CHML: variants seen among roughly 807,000 people sequenced by gnomAD.
CHML encodes the protein CHM like Rab escort protein, also known as rab proteins geranylgeranyltransferase component A 2.
CHML carries 20 observed loss-of-function variants against 30.4 expected under a neutral mutation model. The ratio of observed to expected loss-of-function variants is 0.66; its 90% CI spans 0.46 to 0.95. CHML has a LOEUF of 0.95. CHML is among the 40% of genes least tolerant of loss of function. The pLI is 0.00. For missense variants in CHML, 795 were observed against 768.5 expected (o/e 1.03, Z -0.41); for synonymous variants, 281 against 275.0 (o/e 1.02, Z -0.22).
At position 241,632,330 on chromosome 1, in the gene CHML, G is replaced by A. The variant is rs1361091297; in HGVS notation, c.*1466C>T. The A allele has an allele frequency of 1.3e-5, 2 of 152,190 alleles. No individual in the cohort carries two copies. Among genetic ancestry groups the A allele is most frequent in the Non-Finnish European group, 2.9e-5 (2 of 68,070 alleles). The allele number at this position is 152,190 out of a possible 1,614,324, so 9.4% of individuals were successfully genotyped here. A position where few individuals can be genotyped will look rare whatever the true frequency, so the allele number is the denominator to read the frequency against. On this transcript the variant is annotated 3_prime_UTR_variant, in exon 2 of 2. Transcript: ENST00000366553. The stretch of plus-strand genomic sequence containing the variant: ...CTTTACAAATTACCATCTCAGGTGT[G>A]TCTTTATCAACAGCATGAGAACACA...
chr1:241,637,022 G>A (rs3819981), intron 1 of CHML, among the ~76,000 whole-genome samples: 34,620 of 152,004 alleles, frequency 0.23, 4,453 homozygotes, highest in Non-Finnish European at 0.28. Flanking sequence ...TTCCATGTGC[G>A]GAAGACATCT....
At chr1:241,639,631 G>C (rs980488568) in intron 1 of CHML, among the ~76,000 whole-genome samples, 2 of 151,684 alleles carry the variant, frequency 1.3e-5, no homozygotes, top group Non-Finnish European at 2.9e-5. Context: ...GGGCAGATGA[G>C]AGACCACAGG....
rs149140479 is a variant in CHML at position 241,635,214 on chromosome 1, T to C, written c.553A>G (p.Lys185Glu). 95 of 1,613,512 alleles carry C rather than the reference T, an allele frequency of 5.9e-5. No homozygotes were observed. In the African/African-American group the frequency reaches 1.0e-3, roughly 17 times the overall value. Residue 185 changes from lysine (K) to glutamate (E), a missense_variant, in exon 2 of 2, where the codon AAA becomes GAA. Transcript: ENST00000366553. ...SVEKEKYCGD[K>E]TCMHTVSDKD... ...TCTGAAACTGTGTGCATACAAGTTTTATCTCCACAATACTTTTCCTTCTCC... is the reference window on the plus strand; with the variant it reads ...TCTGAAACTGTGTGCATACAAGTTTCATCTCCACAATACTTTTCCTTCTCC...
Position 241,635,917 on chromosome 1 carries a change from A to T in CHML, c.-151T>A. On this transcript the variant is annotated 5_prime_UTR_variant, in exon 2 of 2. Coordinates refer to ENST00000366553, the MANE Select transcript of CHML (RefSeq NM_001381853.1). The stretch of plus-strand genomic sequence containing the variant: ...TGTTTAACGGTTACCCTTTTAAAAT[A>T]TTTTTTTTCTTATAAGTCAGTAGCA... 4.2e-6 allele frequency: 3 copies of T among 707,952 alleles called. No homozygotes were observed. The highest frequency in any genetic ancestry group is 6.9e-6 in the Non-Finnish European group (3 of 433,692). 43.9% of individuals were successfully genotyped at this position (707,952 alleles called of 1,614,324 possible).
Position 241,634,898 on chromosome 1 carries a change from G to A in CHML, c.869C>T (p.Thr290Ile), listed in dbSNP as rs768570505. The A allele has an allele frequency of 6.2e-7, 1 of 1,611,034 alleles. No individual in the cohort carries two copies. The highest frequency in any genetic ancestry group is 8.5e-7 in the Non-Finnish European group (1 of 1,179,014). Residue 290 changes from threonine (T) to isoleucine (I), a missense_variant, in exon 2 of 2, where the codon ACC becomes ATC. Coordinates refer to ENST00000366553, the MANE Select transcript of CHML (RefSeq NM_001381853.1). ...CATTAGCATCCTCTTTTCAACCATG[G>A]TGAGTTCCTTGCTATTAAAGACATC... Reference protein sequence around the residue: ...RADVFNSKELTMVEKRMLMKF... With the variant: ...RADVFNSKELIMVEKRMLMKF...
chr1:241,634,432 T>C lies in CHML; in HGVS notation c.1335A>G (p.Thr445=), dbSNP rs773243934. 9 of 1,613,682 alleles carry C rather than the reference T, an allele frequency of 5.6e-6. No homozygotes were observed. Among genetic ancestry groups the C allele is most frequent in the Middle Eastern group, 1.6e-4 (1 of 6,084 alleles). ...TCTGCTTATACTGCACATTTGAGCA[T>C]GTTTCCTCAGAAAGGTAACTGTCTT... ...IVEDSYLSEE[T]CSNVQYKQIS... The change falls in exon 2 of 2, where the codon ACA becomes ACG. Residue 445 remains threonine, a synonymous_variant. Coordinates refer to ENST00000366553, the MANE Select transcript of CHML (RefSeq NM_001381853.1).
In CHML at chr1:241,634,232, C is replaced by T; in HGVS notation, c.1535G>A (p.Cys512Tyr). ...MKDTYLVHLT[C>Y]SSSKTAREDL... ...TTCTCTTGCTGTTTTAGAAGATGAA[C>T]ATGTCAAATGTACCAGATAGGTGTC... Residue 512 changes from cysteine (C) to tyrosine (Y), a missense_variant, in exon 2 of 2, where the codon TGT becomes TAT. By Grantham distance (194) the Cys-to-Tyr change is radical (BLOSUM62 -2). Transcript: ENST00000366553. 1 of 1,613,896 alleles carries T rather than the reference C, an allele frequency of 6.2e-7. No individual in the cohort carries two copies.
In CHML at chr1:241,633,797, T is replaced by C; in HGVS notation, c.1970A>G (p.Ter657TrpextTer21). Reference protein sequence around the residue: ...LESPEKHLQN* With the variant: ...LESPEKHLQNW ...ACAGCATTTCGAGATTGCTCTTTTC[T>C]AATTTTGAAGGTGCTTCTCTGGGCT... Residue 657 changes from the stop codon to tryptophan (W), a stop_lost, in exon 2 of 2, where the codon TAG becomes TGG. Transcript: ENST00000366553. The C allele has an allele frequency of 6.2e-7, 1 of 1,613,248 alleles. No homozygotes were observed. The highest frequency in any genetic ancestry group is 1.3e-5 in the African/African-American group (1 of 74,950).
At chr1:241,638,693 G>A (rs1664996864) in intron 1 of CHML, among the ~76,000 whole-genome samples, 1 of 152,280 alleles carries the variant, frequency 6.6e-6, no homozygotes. Flanking sequence ...AAGCTTATGA[G>A]GGGCGGGGAG....
chr1:241,635,552 C>A lies in CHML; in HGVS notation c.215G>T (p.Ser72Ile), dbSNP rs1253592275. 9 of 1,614,060 alleles carry A rather than the reference C, an allele frequency of 5.6e-6. No individual in the cohort carries two copies. The highest frequency in any genetic ancestry group is 7.6e-6 in the Non-Finnish European group (9 of 1,179,936). The change falls in exon 2 of 2, where the codon AGT (serine) becomes ATT (isoleucine). Residue 72 changes from serine (S) to isoleucine (I), a missense_variant. Coordinates refer to ENST00000366553, the MANE Select transcript of CHML (RefSeq NM_001381853.1). ...YQQNNDIGEE[S>I]TVVWQDLIHE... is the part of the protein sequence containing the mutation. ...GATCAGGTCCTGCCATACAACAGTA[C>A]TTTCTTCCCCAATGTCATTGTTTTG...
chr1:241,639,828 G>A (rs1665046633), intron 1 of CHML, 54 bp downstream of exon 1: 1 of 1,412,696 alleles, frequency 7.1e-7, no homozygotes, highest in Non-Finnish European at 9.3e-7. Flanking sequence ...CGGGCAGCGG[G>A]GTGGGGAGTG....
Position 241,633,395 on chromosome 1 carries a change from G to C in CHML, c.*401C>G, listed in dbSNP as rs878962109. On this transcript the variant is annotated 3_prime_UTR_variant, in exon 2 of 2. Transcript: ENST00000366553. ...ACTATTCGAACAGGCCGCAGCAACT[G>C]TAACAGCTGCAAAAGTAATTAAAAT... is the stretch of plus-strand genomic sequence containing the variant. 2.3e-5 allele frequency: 4 copies of C among 175,084 alleles called. No homozygotes were observed. Among genetic ancestry groups the C allele is most frequent in the Admixed American group, 2.2e-4 (4 of 18,234 alleles). 10.8% of individuals were successfully genotyped at this position (175,084 alleles called of 1,614,324 possible). A position where few individuals can be genotyped will look rare whatever the true frequency, so the allele number is the denominator to read the frequency against.
At position 241,632,319 on chromosome 1, in the gene CHML, A is replaced by G. The variant is rs139825350; in HGVS notation, c.*1477T>C. 3,394 of 152,316 alleles carry G rather than the reference A, an allele frequency of 0.022. 53 individuals are homozygous for G. Among genetic ancestry groups the G allele is most frequent in the South Asian group, 0.037 (178 of 4,822 alleles). 9.4% of individuals were successfully genotyped at this position (152,316 alleles called of 1,614,324 possible). On this transcript the variant is annotated 3_prime_UTR_variant, in exon 2 of 2. Coordinates refer to ENST00000366553, the MANE Select transcript of CHML (RefSeq NM_001381853.1). ...TAAACCTTTTTCTTTACAAATTACC[A>G]TCTCAGGTGTGTCTTTATCAACAGC...
In CHML at chr1:241,634,032, C is replaced by T. The variant is rs751828104; in HGVS notation, c.1735G>A (p.Gly579Arg). Reference sequence around the variant, plus strand: ...TCATTTCCCAGGCCACAGTCAGGCCCAGAGCAGACATAAACATTGGAAGGC... The same window carrying T: ...TCATTTCCCAGGCCACAGTCAGGCCTAGAGCAGACATAAACATTGGAAGGC... ...GLPSNVYVCS[G>R]PDCGLGNEHA... The change falls in exon 2 of 2, where the codon GGG becomes AGG. Residue 579 changes from glycine to arginine, a missense_variant. Transcript: ENST00000366553. 4 of 1,613,550 alleles carry T rather than the reference C, an allele frequency of 2.5e-6. No individual in the cohort carries two copies. The highest frequency in any genetic ancestry group is 1.7e-5 in the Admixed American group (1 of 59,882).
Position 241,635,601 on chromosome 1 carries a change from G to C in CHML, c.166C>G (p.Leu56Val), listed in dbSNP as rs761521650. 7 of 1,613,968 alleles carry C rather than the reference G, an allele frequency of 4.3e-6. No individual in the cohort carries two copies. Among genetic ancestry groups the C allele is most frequent in the Non-Finnish European group, 5.9e-6 (7 of 1,179,944 alleles). The change falls in exon 2 of 2, where the codon CTA becomes GTA. Residue 56 changes from leucine (L) to valine (V), a missense_variant. Leu to Val is a conservative substitution (Grantham distance 32). Coordinates refer to ENST00000366553, the MANE Select transcript of CHML (RefSeq NM_001381853.1). The stretch of plus-strand genomic sequence containing the variant: ...TGCTGATACTCCTTCAACCAGGATA[G>C]CAATCCTGAAAAGCTGAAACTAGCC... Reference protein sequence around the residue: ...NWASFSFSGLLSWLKEYQQNN... With the variant: ...NWASFSFSGLVSWLKEYQQNN...
Position 241,634,339 on chromosome 1 carries a change from A to T in CHML, c.1428T>A (p.Ile476=). Residue 476 remains isoleucine (I), a synonymous_variant, in exon 2 of 2, where the codon ATT becomes ATA. Coordinates refer to ENST00000366553, the MANE Select transcript of CHML (RefSeq NM_001381853.1). ...CTGGCTCTGCTGGAGGAACTATCAG[A>T]ATGGAAGTCTGCTGATCTAAATCTG... The part of the protein sequence containing the change: ...LKTDLDQQTS[I]LIVPPAEPGA... The T allele has an allele frequency of 6.2e-7, 1 of 1,614,010 alleles. No individual in the cohort carries two copies.
chr1:241,634,018 G>C lies in CHML; in HGVS notation c.1749C>G (p.Gly583=). The C allele has an allele frequency of 6.2e-7, 1 of 1,613,780 alleles. No individual in the cohort carries two copies. The highest frequency in any genetic ancestry group is 8.5e-7 in the Non-Finnish European group (1 of 1,179,866). ...NVYVCSGPDC[G]LGNEHAVKQA... is the part of the protein sequence containing the mutation. ...GCTTGACAGCATGCTCATTTCCCAGGCCACAGTCAGGCCCAGAGCAGACAT... is the reference window on the plus strand; with the variant it reads ...GCTTGACAGCATGCTCATTTCCCAGCCCACAGTCAGGCCCAGAGCAGACAT... The change falls in exon 2 of 2, where the codon GGC becomes GGG. Residue 583 remains glycine (G), a synonymous_variant. Coordinates refer to ENST00000366553, the MANE Select transcript of CHML (RefSeq NM_001381853.1).
At position 241,631,156 on chromosome 1, in the gene CHML, T is replaced by C. The variant is rs1414496; in HGVS notation, c.*2640A>G. On this transcript the variant is annotated 3_prime_UTR_variant, in exon 2 of 2. Coordinates refer to ENST00000366553, the MANE Select transcript of CHML (RefSeq NM_001381853.1). ...CTGGGTTACAATATCCCCTAAATTT[T>C]TAAATGCTTTTTATTGGTATAACTT... The C allele has an allele frequency of 2.0e-5, 3 of 152,092 alleles. No individual in the cohort carries two copies. Among genetic ancestry groups the C allele is most frequent in the Non-Finnish European group, 2.9e-5 (2 of 67,976 alleles). The allele number at this position is 152,092 out of a possible 1,614,324, so 9.4% of individuals were successfully genotyped here. A position where few individuals can be genotyped will look rare whatever the true frequency, so the allele number is the denominator to read the frequency against.
At position 241,635,899 on chromosome 1, in the gene CHML, C is replaced by T. The variant is rs764080829; in HGVS notation, c.-133G>A. On this transcript the variant is annotated 5_prime_UTR_variant, in exon 2 of 2. Transcript: ENST00000366553. ...GAAGTTGCAGGTCCTAGCTGTTTAA[C>T]GGTTACCCTTTTAAAATATTTTTTT... The T allele has an allele frequency of 8.4e-5, 70 of 828,968 alleles. No individual in the cohort carries two copies. Among genetic ancestry groups the T allele is most frequent in the East Asian group, 1.9e-4 (7 of 37,364 alleles). The allele number at this position is 828,968 out of a possible 1,614,324, so 51.4% of individuals were successfully genotyped here.
Sources: allele counts gnomAD v4.1 joint callset (sites outside exome capture counted in the v4.1 genomes callset), GRCh38; gene constraint gnomAD v4.1.1; transcripts MANE v1.5; gene names NCBI Gene and HGNC (gene_info 2026-07-23, HGNC 2026-07-21).